Variants in SNX9 observed in about 807,000 individuals in gnomAD.
SNX9 encodes the protein sorting nexin-9.
Under a neutral mutation model 89.4 loss-of-function variants are expected in SNX9, and 44 were observed. That is an observed-to-expected ratio of 0.49 (90% CI 0.39 to 0.63). SNX9 has a LOEUF of 0.63. SNX9 is among the 30% of genes least tolerant of loss of function. The pLI, the probability that SNX9 is intolerant of heterozygous loss-of-function variation, is 0.00. For synonymous variants in SNX9, 236 were observed against 247.8 expected (o/e 0.95, Z 0.45); for missense variants, 578 against 736.1 (o/e 0.79, Z 2.49).
At chr6:157,869,541 G>A (rs1250111761) in intron 2 of SNX9, among the ~76,000 whole-genome samples, 1 of 152,106 alleles carries the variant, frequency 6.6e-6, no homozygotes, top group Non-Finnish European at 1.5e-5. Flanking sequence ...TCTCTCCCTA[G>A]AGTTTTACTC....
At chr6:157,887,870 CTTCCCTACAGGACAGT>C (rs921704444) in intron 4 of SNX9, among the ~76,000 whole-genome samples, 2 of 152,182 alleles carry the variant, frequency 1.3e-5, no homozygotes, top group African/African-American at 4.8e-5. Flanking sequence ...GTAGTACTGA[CTTCCCTACAGGACAGT>C]TGTGGAACCG....
At chr6:157,826,944 AATATATTATAGTTTATATAATATATACAT>A (rs1554290590) in intron 1 of SNX9, among the ~76,000 whole-genome samples, 5 of 58,236 alleles carry the variant, frequency 8.6e-5, no homozygotes, top group East Asian at 7.4e-4. Flanking sequence ...TAATATATAA[AATATATTATAGTTTATATAATATATACAT>A]ATATATTATA....
chr6:157,929,351 G>A (rs1475951390), intron 12 of SNX9, among the ~76,000 whole-genome samples: 5 of 152,322 alleles, frequency 3.3e-5, no homozygotes, highest in East Asian at 3.9e-4. Flanking sequence ...CTAATGCCAC[G>A]GGCTGCTGCC....
At chr6:157,853,580 CTGT>C (rs1562594763) in intron 1 of SNX9, among the ~76,000 whole-genome samples, 2 of 152,098 alleles carry the variant, frequency 1.3e-5, no homozygotes, top group East Asian at 3.9e-4. Flanking sequence ...TATACAGTAA[CTGT>C]TGTTGTTTCA....
intron 4 of SNX9, among the ~76,000 whole-genome samples, chr6:157,894,875 A>G (rs1782947573): frequency 6.6e-6 from 1 of 152,164 alleles, no homozygotes; most frequent in Non-Finnish European, 1.5e-5. Flanking sequence ...GTTTTCATCT[A>G]AAGAACCACC....
intron 4 of SNX9, among the ~76,000 whole-genome samples, chr6:157,878,126 T>G (rs917530115): frequency 2.0e-5 from 3 of 152,220 alleles, no homozygotes; most frequent in Non-Finnish European, 4.4e-5. Flanking sequence ...TGGTTCTAGA[T>G]TCTTACTGAG....
chr6:157,881,955 G>A (rs1314104071), intron 4 of SNX9, among the ~76,000 whole-genome samples: 1 of 152,186 alleles, frequency 6.6e-6, no homozygotes, highest in East Asian at 1.9e-4. Flanking sequence ...TATTGATGAT[G>A]GTGCTGCACT....
intron 4 of SNX9, among the ~76,000 whole-genome samples, chr6:157,892,988 A>G (rs1782895989): frequency 6.6e-6 from 1 of 152,190 alleles, no homozygotes; most frequent in South Asian, 2.1e-4. Context: ...CCGGTCCTTG[A>G]TGGAAACCAG....
chr6:157,823,955 C>G lies in SNX9; in HGVS notation c.12+509C>G, dbSNP rs1201188373. Among the ~76,000 whole-genome samples, 2 of 152,088 alleles carry G rather than the reference C, an allele frequency of 1.3e-5. No homozygotes were observed. Among genetic ancestry groups the G allele is most frequent in the Non-Finnish European group, 2.9e-5 (2 of 67,988 alleles). On this transcript the variant is annotated intron_variant, in intron 1 of 17. Transcript: ENST00000392185. This position sits in a 1 kb window ranked among gnomAD's most constrained non-coding sequence, Gnocchi z 4.6. ...TCCCGTCCCGGCCTGCGGGGGCTCG[C>G]GGCCGGGGAGGGACCGAGGCTGGGA...
chr6:157,870,841 C>T (rs1343738739), intron 2 of SNX9, among the ~76,000 whole-genome samples: 1 of 150,934 alleles, frequency 6.6e-6, no homozygotes, highest in African/African-American at 2.4e-5. Context: ...CACACATACC[C>T]ACACTCTCCT....
At chr6:157,836,746 A>G (rs906124660) in intron 1 of SNX9, among the ~76,000 whole-genome samples, 2 of 152,146 alleles carry the variant, frequency 1.3e-5, no homozygotes, top group African/African-American at 4.8e-5. Flanking sequence ...ACCCACTACC[A>G]TGCCTGGCTA....
chr6:157,873,708 T>A lies in SNX9; in HGVS notation c.174+532T>A, dbSNP rs3828705. On this transcript the variant is annotated intron_variant, in intron 3 of 17. Coordinates refer to ENST00000392185, the MANE Select transcript of SNX9 (RefSeq NM_016224.5). ...CTGATATTGCTGCCATCTATAATAT[T>A]GTTTATTGTACAATAGACTCACAGT... is the stretch of plus-strand genomic sequence containing the variant. Among the ~76,000 whole-genome samples the A allele has an allele frequency of 5.3e-3, 810 of 151,832 alleles. 7 individuals are homozygous for A. Among genetic ancestry groups the A allele is most frequent in the African/African-American group, 0.019 (774 of 41,494 alleles).
chr6:157,901,371 T>C (rs1783094583), intron 5 of SNX9, among the ~76,000 whole-genome samples: 1 of 152,242 alleles, frequency 6.6e-6, no homozygotes, highest in Admixed American at 6.5e-5. Context: ...TTTTTGACTT[T>C]GTTCCCTGTG....
At chr6:157,861,612 C>CTTTA (rs1782123361) in intron 1 of SNX9, among the ~76,000 whole-genome samples, 1 of 152,068 alleles carries the variant, frequency 6.6e-6, no homozygotes, top group Non-Finnish European at 1.5e-5. Flanking sequence ...GTGGAGTAAG[C>CTTTA]GCAAGGTTGA....
At chr6:157,876,405 C>T (rs118084588) in intron 4 of SNX9, among the ~76,000 whole-genome samples, 12 of 152,250 alleles carry the variant, frequency 7.9e-5, no homozygotes, top group Non-Finnish European at 1.5e-4. Context: ...AAGCCGAGAT[C>T]GTGCCACTGT....
At chr6:157,844,600 G>GTTTTTTTTTTTTTTTTTTTTTTTTTTTT (rs34836632) in intron 1 of SNX9, among the ~76,000 whole-genome samples, 4 of 131,830 alleles carry the variant, frequency 3.0e-5, no homozygotes, top group South Asian at 2.6e-4. Context: ...TTTTTTTTTT[G>GTTTTTTTTTTTTTTTTTTTTTTTTTTTT]TTTTTTTTTT....
At chr6:157,932,361 C>T (rs944640326) in intron 13 of SNX9, 89 bp downstream of exon 13, 2 of 1,142,430 alleles carry the variant, frequency 1.8e-6, no homozygotes, top group African/African-American at 3.0e-5. Flanking sequence ...TAACTCCCTC[C>T]TCAGTGAAGC....
chr6:157,857,512 G>A (rs1328110078), intron 1 of SNX9, among the ~76,000 whole-genome samples: 2 of 152,126 alleles, frequency 1.3e-5, no homozygotes, highest in Non-Finnish European at 2.9e-5. Flanking sequence ...TGGGAGAAGT[G>A]AGGTAGGAAT....
rs200583483 is a variant in SNX9 at position 157,931,547 on chromosome 6, TAA to T, written c.1289-644_1289-643del. On this transcript the variant is annotated intron_variant, in intron 12 of 17. Coordinates refer to ENST00000392185, the MANE Select transcript of SNX9 (RefSeq NM_016224.5). ...AAGTGATCCTGGAATCTTAGCACCT[TAA>T]AAAGAAACCTTAGGGGTCATTTATT... Among the ~76,000 whole-genome samples the T allele has an allele frequency of 1.1e-3, 164 of 152,322 alleles. 1 individual carries two copies. The East Asian group carries it at 0.027, about 25-fold the overall frequency.
Sources: allele counts gnomAD v4.1 joint callset (sites outside exome capture counted in the v4.1 genomes callset), GRCh38; gene constraint gnomAD v4.1.1; non-coding constraint Gnocchi (gnomAD v3.1); transcripts MANE v1.5; gene names NCBI Gene and HGNC (gene_info 2026-07-23, HGNC 2026-07-21).